Variants in OCA2 observed in about 807,000 individuals in gnomAD.
OCA2 encodes OCA2 melanosomal transmembrane protein.
OCA2 carries 77 observed loss-of-function variants against 100.2 expected under a neutral mutation model. The ratio of observed to expected loss-of-function variants is 0.77; its 90% CI spans 0.64 to 0.93. The LOEUF (loss-of-function observed/expected upper bound fraction) is 0.93. OCA2 is among the 40% of genes least tolerant of loss of function. OCA2 has a pLI of 0.00. For missense variants in OCA2, 1,062 were observed against 1,089.1 expected (o/e 0.98, Z 0.35); for synonymous variants, 432 against 439.2 (o/e 0.98, Z 0.21).
At chr15:27,882,538 T>C (rs539966110) in intron 19 of OCA2, among the ~76,000 whole-genome samples, 1 of 152,332 alleles carries the variant, frequency 6.6e-6, no homozygotes, top group South Asian at 2.1e-4. Flanking sequence ...CTGGGTCCTC[T>C]TAGGTTTGCT....
chr15:28,069,631 T>G (rs1218572399), intron 2 of OCA2, among the ~76,000 whole-genome samples: 9 of 145,018 alleles, frequency 6.2e-5, no homozygotes, highest in Admixed American at 6.1e-4. Context: ...CTCCAGCCCC[T>G]AACCGCGAGT....
At chr15:28,070,034 G>A in intron 2 of OCA2, among the ~76,000 whole-genome samples, 1 of 111,316 alleles carries the variant, frequency 9.0e-6, no homozygotes, top group Non-Finnish European at 1.6e-5. Context: ...CTGAGATGTG[G>A]GGAGCGCCTC....
At chr15:28,002,339 T>G (rs953922751) in intron 9 of OCA2, among the ~76,000 whole-genome samples, 1 of 152,114 alleles carries the variant, frequency 6.6e-6, no homozygotes, top group African/African-American at 2.4e-5. Context: ...CAGGGCATGG[T>G]CTGACCCCAT....
intron 18 of OCA2, among the ~76,000 whole-genome samples, chr15:27,941,751 C>T (rs886807312): frequency 9.2e-5 from 14 of 152,036 alleles, no homozygotes; most frequent in African/African-American, 3.4e-4. Context: ...TTCAAATGGG[C>T]AAAAATGCTC....
intron 2 of OCA2, among the ~76,000 whole-genome samples, chr15:28,079,163 T>C (rs1348516468): frequency 6.6e-6 from 1 of 152,238 alleles, no homozygotes; most frequent in Non-Finnish European, 1.5e-5. Context: ...GTTCTGCTCA[T>C]TCTCTTCACA....
At chr15:27,820,540 A>G (rs1393642388) in intron 23 of OCA2, among the ~76,000 whole-genome samples, 1 of 152,250 alleles carries the variant, frequency 6.6e-6, no homozygotes, top group Non-Finnish European at 1.5e-5. Flanking sequence ...TGTCAAGGTC[A>G]TCAAAAACAA....
chr15:27,954,546 A>G (rs749103157), intron 17 of OCA2, among the ~76,000 whole-genome samples: 5 of 152,068 alleles, frequency 3.3e-5, no homozygotes, highest in African/African-American at 9.7e-5. Flanking sequence ...TGGGTATTCA[A>G]TCTCTCCCTA....
At chr15:27,831,054 A>G (rs10852216) in intron 23 of OCA2, among the ~76,000 whole-genome samples, 112,942 of 151,488 alleles carry the variant, frequency 0.75, 43,364 homozygotes, top group East Asian at 1. Flanking sequence ...TTGGGAGGCC[A>G]AGGCAGGCGG....
chr15:27,814,378 A>G (rs941663438), intron 23 of OCA2, among the ~76,000 whole-genome samples: 1 of 152,244 alleles, frequency 6.6e-6, no homozygotes, highest in African/African-American at 2.4e-5. Flanking sequence ...AATGATGTCC[A>G]TTGACAAAAG....
At chr15:27,892,400 G>A (rs994490818) in intron 19 of OCA2, among the ~76,000 whole-genome samples, 2 of 152,042 alleles carry the variant, frequency 1.3e-5, no homozygotes, top group Non-Finnish European at 2.9e-5. Flanking sequence ...GAAACTAACA[G>A]AAAGACAATA....
downstream of OCA2, among the ~76,000 whole-genome samples, chr15:27,754,690 A>G (rs12903914): frequency 0.053 from 8,103 of 152,280 alleles, 302 homozygotes; most frequent in South Asian, 0.13. Context: ...TGGAAATAGC[A>G]TGCACCACTT....
chr15:27,771,371 G>C (rs970810112), intron 23 of OCA2, among the ~76,000 whole-genome samples: 21 of 148,180 alleles, frequency 1.4e-4, no homozygotes, highest in Non-Finnish European at 2.8e-4. Flanking sequence ...AGAGGCCCCG[G>C]GGGAGAGAGA....
Position 27,947,669 on chromosome 15 carries a change from A to G in OCA2, c.1951+4115T>C, listed in dbSNP as rs147033511. On this transcript the variant is annotated intron_variant, in intron 18 of 23. Transcript: ENST00000354638. ...CTCTGGCATCCCACGGGAAGGAGCT[A>G]TGACCAATGGGCCATGCGCACCAGC... Among the ~76,000 whole-genome samples the G allele has an allele frequency of 1.5e-3, 224 of 152,308 alleles. 1 individual carries two copies. Among genetic ancestry groups the G allele is most frequent in the African/African-American group, 5.0e-3 (206 of 41,570 alleles).
chr15:28,066,194 ATG>A (rs1413258315), intron 2 of OCA2, among the ~76,000 whole-genome samples: 1 of 152,232 alleles, frequency 6.6e-6, no homozygotes, highest in African/African-American at 2.4e-5. Flanking sequence ...CTTACAAAAT[ATG>A]TCCAACACCT....
intron 2 of OCA2, among the ~76,000 whole-genome samples, chr15:28,055,347 C>G (rs1216334877): frequency 7.9e-6 from 1 of 125,816 alleles, no homozygotes; most frequent in Non-Finnish European, 1.7e-5. Context: ...GCATTTTTCC[C>G]CAAAACTTTT....
chr15:27,982,803 A>G (rs1443223563), intron 14 of OCA2, among the ~76,000 whole-genome samples: 3 of 152,166 alleles, frequency 2.0e-5, no homozygotes, highest in Non-Finnish European at 4.4e-5. Context: ...ATATAGTTCA[A>G]TTTTCACCTT....
At chr15:27,751,576 C>T (rs1452769808), downstream of OCA2, among the ~76,000 whole-genome samples, 1 of 152,202 alleles carries the variant, frequency 6.6e-6, no homozygotes, top group East Asian at 1.9e-4. Flanking sequence ...CAGGTAACCT[C>T]CCAAGGCTGC....
intron 3 of OCA2, among the ~76,000 whole-genome samples, chr15:28,028,576 A>C (rs781509160): frequency 5.3e-5 from 8 of 152,168 alleles, no homozygotes; most frequent in Non-Finnish European, 1.0e-4. Context: ...ACCTGACTAT[A>C]CAGGCCAAAA....
chr15:27,900,589 C>T (rs1209792666), intron 19 of OCA2, among the ~76,000 whole-genome samples: 3 of 152,214 alleles, frequency 2.0e-5, no homozygotes, highest in African/African-American at 7.2e-5. Context: ...CAAGGTATCA[C>T]AACAGGTGTC....
Sources: allele counts gnomAD v4.1 joint callset (sites outside exome capture counted in the v4.1 genomes callset), GRCh38; gene constraint gnomAD v4.1.1; transcripts MANE v1.5; gene names NCBI Gene and HGNC (gene_info 2026-07-23, HGNC 2026-07-21).